The following FNDC7 variants were observed in gnomAD, a reference collection of about 807,000 sequenced individuals.
The protein encoded by FNDC7 is fibronectin type III domain-containing protein 7.
Under a neutral mutation model 74.2 loss-of-function variants are expected in FNDC7, and 66 were observed. That is an observed-to-expected ratio of 0.89 (90% confidence interval 0.73 to 1.09). The LOEUF (loss-of-function observed/expected upper bound fraction) is 1.09, where lower values mean the gene tolerates loss of function less well. Among genes scored for constraint, FNDC7 ranks in the 50% least tolerant of loss-of-function variants. The pLI is 0.00. For missense variants in FNDC7, 829 were observed against 893.4 expected, an observed-to-expected ratio of 0.93 and a Z score of 0.92; for synonymous variants, 307 against 330.2, an observed-to-expected ratio of 0.93 and a Z score of 0.76.
In FNDC7 at chr1:108,730,238, A is replaced by G. The variant is rs1052808707; in HGVS notation, c.1625-436A>G. On this transcript the variant is annotated intron_variant, in intron 8 of 12. Coordinates refer to ENST00000370017, the MANE Select transcript of FNDC7 (RefSeq NM_001144937.3). ...CTGAAAATACAAAAATTAGCTGGGC[A>G]TGGTGGCACGCACCTGTAGTCCCAG... Among the ~76,000 whole-genome samples the G allele has an allele frequency of 1.1e-4, 16 of 152,136 alleles. No homozygotes were observed. In the South Asian group the frequency reaches 2.9e-3, roughly 28 times the overall value.
Position 108,730,696 on chromosome 1 carries a change from GA to G in FNDC7, c.1648del (p.Thr550GlnfsTer2). On this transcript the variant is annotated frameshift_variant, in exon 9 of 13. Coordinates refer to ENST00000370017, the MANE Select transcript of FNDC7 (RefSeq NM_001144937.3). LOFTEE classifies it high-confidence loss of function. ...ETVPCCPTGL[T>X]VTQITQSVIN... ...AAGTGCCATGCTGTCCAACCGGTCT[GA>G]CAGTAACTCAAATCACCCAGTCAGT... 6.3e-7 allele frequency: 1 copy of G among 1,592,924 alleles called. No homozygotes were observed. Among genetic ancestry groups the G allele is most frequent in the Non-Finnish European group, 8.6e-7 (1 of 1,166,626 alleles).
chr1:108,721,478 A>C (rs1446843507), intron 4 of FNDC7, among the ~76,000 whole-genome samples: 1 of 151,784 alleles, frequency 6.6e-6, no homozygotes, highest in Non-Finnish European at 1.5e-5. Context: ...CAAAAAAAAG[A>C]AAAAAAAGAG....
At chr1:108,722,637 C>A in intron 5 of FNDC7, 45 bp downstream of exon 5, 1 of 1,572,782 alleles carries the variant, frequency 6.4e-7, no homozygotes, top group East Asian at 2.3e-5. Flanking sequence ...GCAGCCCTGA[C>A]TGCTGTAAGG....
chr1:108,739,212 C>T (rs1661584757), intron 11 of FNDC7, among the ~76,000 whole-genome samples: 1 of 152,068 alleles, frequency 6.6e-6, no homozygotes, highest in South Asian at 2.1e-4. Context: ...GGTGGGGTGG[C>T]AAGGAGAGCA....
rs397981150 is a variant in FNDC7 at position 108,733,649 on chromosome 1, CTTTTTTTTTTTTTTTT to C, written c.2140+123_2140+138del. The C allele has an allele frequency of 4.9e-6, 3 of 614,320 alleles. No homozygotes were observed. The African/African-American group carries it at 6.9e-5, about 14-fold the overall frequency. 38.1% of individuals were successfully genotyped at this position (614,320 alleles called of 1,614,324 possible). ...GGCACAGAGGGTATAAAATTTCTTT[CTTTTTTTTTTTTTTTT>C]TTTTTGAGACAGTCTCACTCTGTCG... On this transcript the variant is annotated intron_variant, in intron 10 of 12. Coordinates refer to ENST00000370017, the MANE Select transcript of FNDC7 (RefSeq NM_001144937.3).
At chr1:108,720,234 C>T (rs1232191189) in intron 4 of FNDC7, among the ~76,000 whole-genome samples, 2 of 152,116 alleles carry the variant, frequency 1.3e-5, no homozygotes, top group Admixed American at 1.3e-4. Flanking sequence ...TGTTGAGGGC[C>T]CACTGTGTGC....
In FNDC7 at chr1:108,712,944, G is replaced by A. The variant is rs201377658; in HGVS notation, c.11G>A (p.Gly4Glu). Residue 4 changes from glycine to glutamate, a missense_variant, in exon 1 of 13, where the codon GGA (glycine) becomes GAA (glutamate). Coordinates refer to ENST00000370017, the MANE Select transcript of FNDC7 (RefSeq NM_001144937.3). MAG[G>E]RETCLPLIGF... ...ACTATGTCCAACAGGATGGCTGGTG[G>A]ACGAGAGACATGTTTGCCTTTGATT... 1.1e-4 allele frequency: 165 copies of A among 1,551,692 alleles called. 1 individual carries two copies. In the African/African-American group the frequency reaches 2.0e-3, roughly 19 times the overall value.
Position 108,717,877 on chromosome 1 carries a change from G to A in FNDC7, c.183G>A (p.Thr61=), listed in dbSNP as rs947394510. The stretch of plus-strand genomic sequence containing the variant: ...CGGGTGCCACCAGTTACCTCCTCAC[G>A]GCTGAAGACGGGGACACAGTCATTG... The part of the protein sequence containing the change: ...TVPGATSYLL[T]AEDGDTVIET... Residue 61 remains threonine (T), a synonymous_variant, in exon 3 of 13, where the codon ACG becomes ACA. Coordinates refer to ENST00000370017, the MANE Select transcript of FNDC7 (RefSeq NM_001144937.3). 66 of 1,551,674 alleles carry A rather than the reference G, an allele frequency of 4.3e-5. 1 individual carries two copies. The highest frequency in any genetic ancestry group is 4.2e-4 in the African/African-American group (31 of 73,138).
chr1:108,730,077 A>G (rs905484725), intron 8 of FNDC7, among the ~76,000 whole-genome samples: 3 of 152,268 alleles, frequency 2.0e-5, no homozygotes, highest in Admixed American at 2.0e-4. Context: ...TGAAATTTGC[A>G]GTTAGAATTG....
At position 108,713,118 on chromosome 1, in the gene FNDC7, T is replaced by A. The variant is rs1660907023; in HGVS notation, c.63+122T>A. 3 of 888,370 alleles carry A rather than the reference T, an allele frequency of 3.4e-6. No homozygotes were observed. In the Admixed American group the frequency reaches 7.5e-5, roughly 22 times the overall value. 55.0% of individuals were successfully genotyped at this position (888,370 alleles called of 1,614,324 possible). Reference sequence around the variant, plus strand: ...GGAGATAGAAATCAGAATACTTTGGTTTGTACCGAGGTTGTATATGTTTGC... The same window carrying A: ...GGAGATAGAAATCAGAATACTTTGGATTGTACCGAGGTTGTATATGTTTGC... On this transcript the variant is annotated intron_variant, in intron 1 of 12. Transcript: ENST00000370017.
In FNDC7 at chr1:108,741,913, T is replaced by C. The variant is rs1661658498; in HGVS notation, c.*38-12T>C. 1.7e-6 allele frequency: 2 copies of C among 1,151,850 alleles called. No homozygotes were observed. Among genetic ancestry groups the C allele is most frequent in the Admixed American group, 2.0e-5 (1 of 51,170 alleles). The allele number at this position is 1,151,850 out of a possible 1,614,324, so 71.4% of individuals were successfully genotyped here. ...TGTCTTTGTTTAAAATGTTTTCCCA[T>C]TTGTCTTGCAGAGTTGTCTCATTTG... is the stretch of plus-strand genomic sequence containing the variant. On this transcript the variant is annotated splice_polypyrimidine_tract_variant and intron_variant, in intron 12 of 12. Transcript: ENST00000370017.
intron 4 of FNDC7, among the ~76,000 whole-genome samples, chr1:108,719,817 G>A (rs1280165137): frequency 6.6e-6 from 1 of 151,968 alleles, no homozygotes; most frequent in Non-Finnish European, 1.5e-5. Context: ...GGCAGAGTAA[G>A]CCATCCACTG....
At chr1:108,739,473 G>A (rs142829844) in intron 11 of FNDC7, among the ~76,000 whole-genome samples, 3 of 152,232 alleles carry the variant, frequency 2.0e-5, no homozygotes, top group Admixed American at 6.5e-5. Context: ...GCACCACTGC[G>A]CTCCAGCCTG....
At chr1:108,717,559 A>G (rs914806) in intron 2 of FNDC7, among the ~76,000 whole-genome samples, 121,527 of 152,176 alleles carry the variant, frequency 0.8, 51,056 homozygotes, top group Non-Finnish European at 0.92. Context: ...GGAAAACTTT[A>G]AAATCCCATC....
chr1:108,728,561 G>A (rs2101084538), intron 7 of FNDC7, 71 bp from the exon 8 acceptor site: 2 of 1,586,966 alleles, frequency 1.3e-6, no homozygotes, highest in Non-Finnish European at 1.7e-6. Context: ...GGCAAAATCA[G>A]TTTTAGACCA....
intron 2 of FNDC7, among the ~76,000 whole-genome samples, chr1:108,716,472 A>G (rs1660979385): frequency 6.6e-6 from 1 of 151,904 alleles, no homozygotes; most frequent in African/African-American, 2.4e-5. Context: ...GCAAGTGGCT[A>G]TGATGAGCAG....
chr1:108,732,266 G>A (rs564970299), intron 9 of FNDC7, among the ~76,000 whole-genome samples: 11 of 148,872 alleles, frequency 7.4e-5, no homozygotes, highest in African/African-American at 2.2e-4. Flanking sequence ...GGCTGAGGCC[G>A]GAGAATGGCG....
intron 9 of FNDC7, among the ~76,000 whole-genome samples, chr1:108,732,580 TCA>T (rs936619856): frequency 1.3e-5 from 2 of 152,186 alleles, no homozygotes; most frequent in African/African-American, 4.8e-5. Context: ...TGCCTTTGAC[TCA>T]CAGTTTGAAT....
chr1:108,733,649 CT>C (rs397981150), intron 10 of FNDC7, 117 bp downstream of exon 10: 232,035 of 610,402 alleles, frequency 0.38, 19,733 homozygotes, highest in Non-Finnish European at 0.4. Flanking sequence ...AAATTTCTTT[CT>C]TTTTTTTTTT....
Sources: allele counts gnomAD v4.1 joint callset (sites outside exome capture counted in the v4.1 genomes callset), GRCh38; gene constraint gnomAD v4.1.1; transcripts MANE v1.5; gene names NCBI Gene and HGNC (gene_info 2026-07-23, HGNC 2026-07-21).